SLC44A5: variants seen among roughly 807,000 people sequenced by gnomAD.
SLC44A5 encodes the protein solute carrier family 44 member 5.
SLC44A5 carries 57 observed loss-of-function variants against 101.8 expected under a neutral mutation model. The ratio of observed to expected loss-of-function variants is 0.56; its 90% confidence interval spans 0.45 to 0.70. The LOEUF is 0.70. SLC44A5 is among the 30% of genes least tolerant of loss of function. SLC44A5 has a pLI of 0.00. For synonymous variants in SLC44A5, 281 were observed against 290.9 expected (o/e 0.97, Z 0.35); for missense variants, 737 against 853.1 (o/e 0.86, Z 1.70).
At chr1:75,425,385 G>A (rs542962520) in intron 2 of SLC44A5, among the ~76,000 whole-genome samples, 65 of 152,284 alleles carry the variant, frequency 4.3e-4, no homozygotes, top group African/African-American at 1.4e-3. Context: ...AGAGAGAAAG[G>A]CCAAAACTAA....
chr1:75,578,344 C>T (rs1281815533), intron 1 of SLC44A5, among the ~76,000 whole-genome samples: 1 of 152,000 alleles, frequency 6.6e-6, no homozygotes, highest in Non-Finnish European at 1.5e-5. Flanking sequence ...TCTAACACAC[C>T]AATATTTTTC....
At chr1:75,441,026 G>A (rs952266943) in intron 2 of SLC44A5, among the ~76,000 whole-genome samples, 3 of 151,834 alleles carry the variant, frequency 2.0e-5, no homozygotes, top group Admixed American at 6.6e-5. Context: ...TTAAAATTCT[G>A]CAAAATAGCA....
intron 3 of SLC44A5, among the ~76,000 whole-genome samples, chr1:75,368,817 C>T: frequency 6.6e-6 from 1 of 152,190 alleles, no homozygotes; most frequent in Non-Finnish European, 1.5e-5. Context: ...ACTGTTTTCA[C>T]TTCTGTCATG....
chr1:75,713,084 C>T, the SLC44A5 span, among the ~76,000 whole-genome samples: 1 of 152,310 alleles, frequency 6.6e-6, no homozygotes, highest in South Asian at 2.1e-4. Context: ...TCATTCTCTC[C>T]AATCTTCCAG....
chr1:75,578,549 T>C (rs1345291228), intron 1 of SLC44A5, among the ~76,000 whole-genome samples: 1 of 152,096 alleles, frequency 6.6e-6, no homozygotes, highest in Non-Finnish European at 1.5e-5. Context: ...AAAACAAATA[T>C]TGTGACCTCA....
At chr1:75,222,181 C>T (rs1283546521) in intron 14 of SLC44A5, among the ~76,000 whole-genome samples, 180 bp downstream of exon 14, 1 of 152,004 alleles carries the variant, frequency 6.6e-6, no homozygotes, top group Admixed American at 6.5e-5. Context: ...GTCTCGAACT[C>T]CCGACCTCAG....
chr1:75,452,342 G>T (rs1665953330), intron 2 of SLC44A5, among the ~76,000 whole-genome samples: 1 of 152,026 alleles, frequency 6.6e-6, no homozygotes, highest in Non-Finnish European at 1.5e-5. Context: ...TTCCAGACAA[G>T]CAAGCACTAA....
the SLC44A5 span, among the ~76,000 whole-genome samples, chr1:75,676,537 T>C: frequency 6.6e-6 from 1 of 152,082 alleles, no homozygotes; most frequent in Non-Finnish European, 1.5e-5. Context: ...ACACTGGGGC[T>C]TGTTGGGAAA....
chr1:75,516,464 C>G (rs552353515), intron 2 of SLC44A5, among the ~76,000 whole-genome samples: 1 of 152,152 alleles, frequency 6.6e-6, no homozygotes, highest in East Asian at 1.9e-4. Flanking sequence ...TTGCAGTGAG[C>G]GGAGATCGCA....
chr1:75,510,994 T>C (rs1019201448), intron 2 of SLC44A5, among the ~76,000 whole-genome samples: 1 of 151,824 alleles, frequency 6.6e-6, no homozygotes, highest in Non-Finnish European at 1.5e-5. Context: ...TACAGAAAAA[T>C]TAGCTGGGCG....
At chr1:75,406,858 G>A (rs190368505) in intron 2 of SLC44A5, among the ~76,000 whole-genome samples, 3 of 150,484 alleles carry the variant, frequency 2.0e-5, no homozygotes, top group Admixed American at 2.0e-4. Flanking sequence ...GTTCTGGCCA[G>A]GGCAATCAGG....
chr1:75,350,335 G>A (rs1272832537), intron 3 of SLC44A5, among the ~76,000 whole-genome samples: 4 of 151,596 alleles, frequency 2.6e-5, no homozygotes, highest in Admixed American at 2.6e-4. Context: ...CACTCAACCA[G>A]AATCAAATCA....
At chr1:75,469,975 G>C (rs1019102614) in intron 2 of SLC44A5, among the ~76,000 whole-genome samples, 5 of 151,506 alleles carry the variant, frequency 3.3e-5, no homozygotes, top group African/African-American at 1.2e-4. Flanking sequence ...AGTTCAAAGG[G>C]AGGAGGGCTT....
In SLC44A5 at chr1:75,213,919, C is replaced by T. The variant is rs766460650; in HGVS notation, c.1873G>A (p.Gly625Ser). The change falls in exon 21 of 24, where the codon GGT becomes AGT. Residue 625 changes from glycine (G) to serine (S), a missense_variant and splice_region_variant. Physicochemically the swap from Gly to Ser is moderately conservative, Grantham distance 56 (BLOSUM62 0). Around this residue, in one of 3 missense-constraint regions of SLC44A5, gnomAD observed 665 missense variants for 764.4 expected, o/e 0.87. Transcript: ENST00000370859. ...LGKLLVAGSI[G>S]VLAFLFFTQR... ...TATTATTTTCATCATGATTACTTAC[C>T]TATACTTCCAGCAACTAGAAGTTTC... 2 of 1,580,668 alleles carry T rather than the reference C, an allele frequency of 1.3e-6. No individual in the cohort carries two copies. The highest frequency in any genetic ancestry group is 2.3e-5 in the South Asian group (2 of 86,928).
intron 3 of SLC44A5, among the ~76,000 whole-genome samples, chr1:75,361,341 T>A (rs1343386101): frequency 6.6e-6 from 1 of 152,038 alleles, no homozygotes; most frequent in Admixed American, 6.6e-5. Context: ...ACTTCTAGAG[T>A]TATGTTGAAA....
At chr1:75,446,192 G>T (rs1665566320) in intron 2 of SLC44A5, among the ~76,000 whole-genome samples, 2 of 152,120 alleles carry the variant, frequency 1.3e-5, no homozygotes, top group African/African-American at 2.4e-5. Flanking sequence ...ATAGTCTCTT[G>T]TTCAAAACTT....
the SLC44A5 span, among the ~76,000 whole-genome samples, chr1:75,677,506 G>A: frequency 6.6e-6 from 1 of 151,990 alleles, no homozygotes; most frequent in African/African-American, 2.4e-5. Flanking sequence ...AAAGCAATAT[G>A]TTAAAACATA....
intron 4 of SLC44A5, among the ~76,000 whole-genome samples, chr1:75,317,195 G>A (rs1655758853): frequency 6.6e-6 from 1 of 152,106 alleles, no homozygotes. Context: ...ATTTAACATG[G>A]ACTGATCTAG....
intron 13 of SLC44A5, among the ~76,000 whole-genome samples, chr1:75,226,510 C>T (rs1465445811): frequency 2.6e-5 from 4 of 152,040 alleles, no homozygotes; most frequent in African/African-American, 9.7e-5. Context: ...ATGTAGGGTG[C>T]TTTGGTGACT....
Sources: allele counts gnomAD v4.1 joint callset (sites outside exome capture counted in the v4.1 genomes callset), GRCh38; gene constraint gnomAD v4.1.1; regional missense constraint gnomAD v4.1.1; transcripts MANE v1.5; gene names NCBI Gene and HGNC (gene_info 2026-07-23, HGNC 2026-07-21).